GNAQ: variants seen among roughly 807,000 people sequenced by gnomAD.
GNAQ encodes the protein G protein subunit alpha q.
Under a neutral mutation model 43.9 loss-of-function variants are expected in GNAQ, and 8 were observed. The observed-to-expected ratio is 0.18, with a 90% CI of 0.11 to 0.33. The LOEUF is 0.33. Among genes scored for constraint, GNAQ ranks in the 10% least tolerant of loss-of-function variants. GNAQ has a pLI of 1.00. For missense variants in GNAQ, 158 were observed against 450.8 expected (o/e 0.35, Z 5.88); for synonymous variants, 155 against 170.7 (o/e 0.91, Z 0.71).
At chr9:77,950,943 A>G (rs1822966820) in intron 1 of GNAQ, among the ~76,000 whole-genome samples, 1 of 152,128 alleles carries the variant, frequency 6.6e-6, no homozygotes, top group Non-Finnish European at 1.5e-5. Flanking sequence ...AAAAGGTTAT[A>G]AAATAACTTT....
chr9:77,949,028 G>A (rs754192387), intron 1 of GNAQ, among the ~76,000 whole-genome samples: 15 of 152,194 alleles, frequency 9.9e-5, no homozygotes, highest in Non-Finnish European at 1.9e-4. Context: ...CTCGAGGCCT[G>A]TGTTCAATCA....
intron 1 of GNAQ, among the ~76,000 whole-genome samples, chr9:78,022,036 C>T (rs1050318956): frequency 5.9e-5 from 9 of 152,174 alleles, no homozygotes; most frequent in African/African-American, 1.4e-4. Flanking sequence ...GCATGCCAGG[C>T]GGCACCAGGG....
chr9:77,902,989 A>C (rs1410911495), intron 2 of GNAQ, among the ~76,000 whole-genome samples: 1 of 152,130 alleles, frequency 6.6e-6, no homozygotes, highest in Non-Finnish European at 1.5e-5. Flanking sequence ...GGAGTAAGTA[A>C]AATTTGTAGC....
At chr9:77,894,647 C>T (rs1251016973) in intron 2 of GNAQ, among the ~76,000 whole-genome samples, 1 of 150,802 alleles carries the variant, frequency 6.6e-6, no homozygotes, top group East Asian at 2.0e-4. Flanking sequence ...GGTCTAGATC[C>T]CTTGACCTTG....
At chr9:77,955,436 G>A (rs752155363) in intron 1 of GNAQ, among the ~76,000 whole-genome samples, 16 of 152,042 alleles carry the variant, frequency 1.1e-4, no homozygotes, top group Non-Finnish European at 1.6e-4. Flanking sequence ...CCACTGCGCC[G>A]AGCCAAGAAT....
Position 78,031,676 on chromosome 9 carries a change from G to C in GNAQ, c.-441C>G, listed in dbSNP as rs1587470753. On this transcript the variant is annotated 5_prime_UTR_variant, in exon 1 of 7. Transcript: ENST00000286548. ...ATTCACCGGGGTGTCCCCGCAGCGA[G>C]CGGCCGCCGACGGCTCCCCGCGCCC... Among the ~76,000 whole-genome samples, 2 of 147,542 alleles carry C rather than the reference G, an allele frequency of 1.4e-5. No homozygotes were observed. Among genetic ancestry groups the C allele is most frequent in the East Asian group, 4.0e-4 (2 of 5,014 alleles).
At chr9:78,023,809 G>A (rs1365844522) in intron 1 of GNAQ, among the ~76,000 whole-genome samples, 2 of 150,548 alleles carry the variant, frequency 1.3e-5, no homozygotes, top group Non-Finnish European at 3.0e-5. Flanking sequence ...CTATCTCCTA[G>A]AAATATATGT....
chr9:78,004,883 G>C (rs1298707131), intron 1 of GNAQ, among the ~76,000 whole-genome samples: 1 of 151,924 alleles, frequency 6.6e-6, no homozygotes, highest in Non-Finnish European at 1.5e-5. Context: ...AAGGAAAAGG[G>C]TTAGTGTCCT....
chr9:77,812,611 A>C (rs1354891595), intron 3 of GNAQ, among the ~76,000 whole-genome samples: 4 of 152,184 alleles, frequency 2.6e-5, no homozygotes, highest in Admixed American at 6.6e-5. Flanking sequence ...TGCAATGTGA[A>C]GTCCTGAAAT....
At chr9:77,895,071 G>A (rs867519039) in intron 2 of GNAQ, among the ~76,000 whole-genome samples, 4 of 151,222 alleles carry the variant, frequency 2.6e-5, no homozygotes, top group Non-Finnish European at 5.9e-5. Flanking sequence ...GGTGGCAGGC[G>A]CCTGTAGTCC....
chr9:77,970,501 CCCA>C (rs1823224701), intron 1 of GNAQ, among the ~76,000 whole-genome samples: 2 of 152,170 alleles, frequency 1.3e-5, no homozygotes, highest in African/African-American at 4.8e-5. Flanking sequence ...CAGTCCTCTT[CCCA>C]TTCTGCCTAT....
intron 2 of GNAQ, among the ~76,000 whole-genome samples, chr9:77,915,433 GTTTT>G (rs898510049): frequency 2.0e-5 from 3 of 152,012 alleles, no homozygotes; most frequent in African/African-American, 7.2e-5. Flanking sequence ...TGGTCACATT[GTTTT>G]TTTGTTTTAT....
rs565728355 is a variant in GNAQ at position 77,929,723 on chromosome 9, G to A, written c.137-7378C>T. ...GGTGATGTGCGCCTGTAGTTCCTTC[G>A]GGAGGCTGAGATGGAAGAATCAATT... On this transcript the variant is annotated intron_variant, in intron 1 of 6. Transcript: ENST00000286548. Among the ~76,000 whole-genome samples the A allele has an allele frequency of 6.6e-5, 10 of 152,106 alleles. No homozygotes were observed. In the South Asian group the frequency reaches 2.1e-3, roughly 32 times the overall value.
intron 1 of GNAQ, among the ~76,000 whole-genome samples, chr9:77,979,305 G>A (rs1408479368): frequency 2.7e-5 from 4 of 149,810 alleles, no homozygotes; most frequent in South Asian, 4.2e-4. Flanking sequence ...GCGGTGAGCC[G>A]AGATGGCGCC....
At chr9:77,906,041 T>C (rs1828702654) in intron 2 of GNAQ, among the ~76,000 whole-genome samples, 1 of 152,120 alleles carries the variant, frequency 6.6e-6, no homozygotes, top group Admixed American at 6.5e-5. Context: ...GGCACATGTA[T>C]ACCTATGTAA....
At chr9:77,833,709 G>GCAT (rs1231490398) in intron 2 of GNAQ, among the ~76,000 whole-genome samples, 1 of 152,208 alleles carries the variant, frequency 6.6e-6, no homozygotes, top group Non-Finnish European at 1.5e-5. Flanking sequence ...AAGGAAGCAA[G>GCAT]CATGCTCCAC....
rs1043295127 is a variant in GNAQ, at chr9:77,850,525, G to A, written c.322-34755C>T. Among the ~76,000 whole-genome samples the A allele has an allele frequency of 5.9e-5, 9 of 152,214 alleles. No homozygotes were observed. In the South Asian group the frequency reaches 6.2e-4, roughly 11 times the overall value. On this transcript the variant is annotated intron_variant, in intron 2 of 6. Coordinates refer to ENST00000286548, the MANE Select transcript of GNAQ (RefSeq NM_002072.5). ...CCACAGTGTGATGGAATGATTTCTC[G>A]GGAACGTAAACCTAATCACATCACT...
intron 1 of GNAQ, among the ~76,000 whole-genome samples, chr9:77,961,843 G>A (rs1327781498): frequency 6.6e-6 from 1 of 152,130 alleles, no homozygotes; most frequent in Non-Finnish European, 1.5e-5. Context: ...AACAGGAAAA[G>A]GTGACCCATA....
intron 6 of GNAQ, among the ~76,000 whole-genome samples, chr9:77,727,903 G>A (rs1825422765): frequency 1.3e-5 from 2 of 152,152 alleles, no homozygotes; most frequent in Non-Finnish European, 2.9e-5. Flanking sequence ...CAAATGAAAG[G>A]GAGACACAGA....
Sources: allele counts gnomAD v4.1 joint callset (sites outside exome capture counted in the v4.1 genomes callset), GRCh38; gene constraint gnomAD v4.1.1; transcripts MANE v1.5; gene names NCBI Gene and HGNC (gene_info 2026-07-23, HGNC 2026-07-21).